MAML2: variants seen among roughly 807,000 people sequenced by gnomAD.
The protein encoded by MAML2 is mastermind-like protein 2.
Under a neutral mutation model 96.1 loss-of-function variants are expected in MAML2, and 22 were observed. That is an observed-to-expected ratio of 0.23 (90% confidence interval 0.16 to 0.33). The LOEUF (loss-of-function observed/expected upper bound fraction) is 0.33, where lower values mean the gene tolerates loss of function less well. Among genes scored for constraint, MAML2 ranks in the 10% least tolerant of loss-of-function variants. The pLI is 1.00. For synonymous variants in MAML2, 561 were observed against 521.3 expected, an observed-to-expected ratio of 1.08 and a Z score of -1.04; for missense variants, 1,367 against 1,392.4, an observed-to-expected ratio of 0.98 and a Z score of 0.29.
intron 1 of MAML2, among the ~76,000 whole-genome samples, chr11:96,199,788 G>A (rs1393466156): frequency 6.6e-6 from 1 of 152,060 alleles, no homozygotes; most frequent in Non-Finnish European, 1.5e-5. Flanking sequence ...ATGCATCAGA[G>A]GAAAACAGTG....
chr11:96,025,423 T>A (rs531557820), intron 2 of MAML2, among the ~76,000 whole-genome samples: 1 of 152,218 alleles, frequency 6.6e-6, no homozygotes, highest in East Asian at 1.9e-4. Context: ...GGACAAGCAC[T>A]GAAACACTAC....
Position 96,092,185 on chromosome 11 carries a change from G to A in MAML2, c.1846C>T (p.Gln616Ter), listed in dbSNP as rs1286609287. Residue 616 changes from glutamine to a stop codon, truncating the protein, a stop_gained, in exon 2 of 5, where the codon CAG (glutamine) becomes TAG (stop). Transcript: ENST00000524717. LOFTEE classifies it high-confidence loss of function. This position sits in a 1 kb window ranked among gnomAD's most constrained non-coding sequence, Gnocchi z 4.1. ...ATTGAACTCTGCTGTTGCTGTTGCT[G>A]TTGCTGTTGCTGCTGCTGCTGCTGT... The part of the protein sequence containing the change: ...QQQQQQQQQQ[Q>*]QQQQQSSISA... 1 of 1,540,692 alleles carries A rather than the reference G, an allele frequency of 6.5e-7. No homozygotes were observed. The highest frequency in any genetic ancestry group is 8.8e-7 in the Non-Finnish European group (1 of 1,142,386).
chr11:96,312,631 A>G (rs1863559128), intron 1 of MAML2, among the ~76,000 whole-genome samples: 1 of 152,240 alleles, frequency 6.6e-6, no homozygotes, highest in African/African-American at 2.4e-5. Flanking sequence ...GAGCACAGAA[A>G]GTAATATTCA....
intron 1 of MAML2, among the ~76,000 whole-genome samples, chr11:96,212,129 G>C (rs918091009): frequency 6.7e-6 from 1 of 149,138 alleles, no homozygotes; most frequent in Non-Finnish European, 1.5e-5. Flanking sequence ...GTGTGTGTGT[G>C]TGTGTGTGTG....
intron 2 of MAML2, among the ~76,000 whole-genome samples, chr11:96,034,527 T>A (rs1211336380): frequency 6.6e-6 from 1 of 151,628 alleles, no homozygotes; most frequent in Non-Finnish European, 1.5e-5. Context: ...TGAAACCACA[T>A]AATTAAAAAT....
intron 1 of MAML2, among the ~76,000 whole-genome samples, chr11:96,217,444 A>G (rs1862067059): frequency 6.6e-6 from 1 of 152,240 alleles, no homozygotes; most frequent in Non-Finnish European, 1.5e-5. Flanking sequence ...AGTAGACTCT[A>G]TGAGACACCA....
chr11:96,319,328 C>T (rs491704), intron 1 of MAML2, among the ~76,000 whole-genome samples: 17,717 of 152,184 alleles, frequency 0.12, 1,354 homozygotes, highest in Middle Eastern at 0.21. Context: ...CTAGTACCAC[C>T]CAACTAAGCA....
chr11:96,168,123 G>C (rs1441739262), intron 1 of MAML2, among the ~76,000 whole-genome samples: 1 of 152,104 alleles, frequency 6.6e-6, no homozygotes, highest in Non-Finnish European at 1.5e-5. Flanking sequence ...CCATTTACAG[G>C]CTCTCTAATC....
intron 1 of MAML2, among the ~76,000 whole-genome samples, chr11:96,320,229 T>C (rs1282048020): frequency 6.6e-6 from 1 of 152,244 alleles, no homozygotes; most frequent in African/African-American, 2.4e-5. Flanking sequence ...TTGGATTATG[T>C]CACCTGTCAA....
Position 96,341,880 on chromosome 11 carries a change from G to A in MAML2, c.16C>T (p.Pro6Ser). 1.3e-6 allele frequency: 2 copies of A among 1,533,120 alleles called. No homozygotes were observed. The highest frequency in any genetic ancestry group is 1.2e-5 in the South Asian group (1 of 84,080). The allele number at this position is 1,533,120 out of a possible 1,614,324, so 95.0% of individuals were successfully genotyped here. The change falls in exon 1 of 5, where the codon CCC becomes TCC. Residue 6 changes from proline (P) to serine (S), a missense_variant. Physicochemically the swap from Pro to Ser is moderately conservative, Grantham distance 74. Coordinates refer to ENST00000524717, the MANE Select transcript of MAML2 (RefSeq NM_032427.4). ...AGCCCTCCTGCGGGGGCCTGCGGGGGCGCTGTGTCCCCCATCTTACCGGAC... is the reference window on the plus strand; with the variant it reads ...AGCCCTCCTGCGGGGGCCTGCGGGGACGCTGTGTCCCCCATCTTACCGGAC... MGDTA[P>S]PQAPAGGLGG... is the part of the protein sequence containing the mutation.
intron 1 of MAML2, among the ~76,000 whole-genome samples, chr11:96,181,701 G>A (rs548569261): frequency 1.2e-4 from 15 of 122,504 alleles, no homozygotes; most frequent in Non-Finnish European, 2.1e-4. Context: ...TCACACACTG[G>A]GCAATGAATG....
intron 2 of MAML2, among the ~76,000 whole-genome samples, chr11:96,070,348 T>C (rs2135787395): frequency 6.6e-6 from 1 of 152,278 alleles, no homozygotes; most frequent in Non-Finnish European, 1.5e-5. Flanking sequence ...GGCTGAAACA[T>C]GCCCCTTGTT....
In MAML2 at chr11:96,121,855, C is replaced by G. The variant is rs544491958; in HGVS notation, c.514-28338G>C. ...AGGCTGGGGTGCAGTGGCGCGATCT[C>G]GGCTCTCTGCAAGCTCCGCCTCCCG... On this transcript the variant is annotated intron_variant, in intron 1 of 4. Coordinates refer to ENST00000524717, the MANE Select transcript of MAML2 (RefSeq NM_032427.4). Among the ~76,000 whole-genome samples, 6 of 124,240 alleles carry G rather than the reference C, an allele frequency of 4.8e-5. No individual in the cohort carries two copies. The East Asian group carries it at 1.1e-3, about 22-fold the overall frequency. The allele number at this position is 124,240 out of a possible 152,430, so 81.5% of individuals were successfully genotyped here.
At chr11:96,306,032 G>A (rs868649107) in intron 1 of MAML2, among the ~76,000 whole-genome samples, 2 of 151,998 alleles carry the variant, frequency 1.3e-5, no homozygotes, top group Non-Finnish European at 2.9e-5. Context: ...GCTGCAAGAC[G>A]TCATAGCTGC....
intron 1 of MAML2, among the ~76,000 whole-genome samples, chr11:96,299,060 A>AAAATATATATATATAT (rs55878534): frequency 7.1e-5 from 4 of 56,332 alleles, no homozygotes; most frequent in East Asian, 6.3e-4. Context: ...AAAAAAAAAA[A>AAAATATATATATATAT]ATATATATAT....
chr11:96,292,943 A>AG (rs2135992940), intron 1 of MAML2, among the ~76,000 whole-genome samples: 1 of 152,302 alleles, frequency 6.6e-6, no homozygotes, highest in East Asian at 1.9e-4. Flanking sequence ...GAAAAAAAAA[A>AG]AAGATCTGAT....
intron 2 of MAML2, among the ~76,000 whole-genome samples, chr11:96,021,997 G>T (rs964854036): frequency 3.3e-5 from 5 of 152,110 alleles, no homozygotes; most frequent in Non-Finnish European, 7.3e-5. Context: ...CCTGGTTCAG[G>T]TTGAAGGATT....
At position 96,000,691 on chromosome 11, in the gene MAML2, A is replaced by T. The variant is rs76078361; in HGVS notation, c.2140-8968T>A. On this transcript the variant is annotated intron_variant, in intron 2 of 4. Transcript: ENST00000524717. ...AACAATTACACACAGCAGGAACTAA[A>T]AAACAACTTACAGATCTTTCATCCA... 8.5e-3 allele frequency among the ~76,000 whole-genome samples: 1,290 copies of T among 152,322 alleles called. 53 individuals are homozygous for T. The highest frequency in any genetic ancestry group is 0.072 in the Admixed American group (1,099 of 15,284).
intron 2 of MAML2, among the ~76,000 whole-genome samples, chr11:96,024,214 G>C (rs1858480765): frequency 6.6e-6 from 1 of 152,230 alleles, no homozygotes; most frequent in African/African-American, 2.4e-5. Context: ...TGCGATAGTA[G>C]AAAAGATTAT....
Sources: allele counts gnomAD v4.1 joint callset (sites outside exome capture counted in the v4.1 genomes callset), GRCh38; gene constraint gnomAD v4.1.1; non-coding constraint Gnocchi (gnomAD v3.1); transcripts MANE v1.5; gene names NCBI Gene and HGNC (gene_info 2026-07-23, HGNC 2026-07-21).